ACYP2: variants seen among roughly 807,000 people sequenced by gnomAD.
ACYP2 encodes the protein acylphosphatase 2, also known as acylphosphatase-2.
In ACYP2, 12 loss-of-function variants were observed where a neutral mutation model predicts 11.2. That is an observed-to-expected ratio of 1.08 (90% CI 0.69 to 1.74). The LOEUF (loss-of-function observed/expected upper bound fraction) is 1.74. Ranked by LOEUF, ACYP2 falls within the 40% of genes most tolerant of loss-of-function variation. ACYP2 has a pLI of 0.00. For synonymous variants in ACYP2, 43 were observed against 32.2 expected (o/e 1.33, Z -1.13); for missense variants, 134 against 101.9 (o/e 1.31, Z -1.35).
intron 5 of ACYP2, among the ~76,000 whole-genome samples, chr2:54,136,229 C>G (rs1572837317): frequency 6.6e-6 from 1 of 152,100 alleles, no homozygotes; most frequent in Admixed American, 6.6e-5. Flanking sequence ...TTAGTAGAGA[C>G]AGGGTTTCAC....
chr2:54,094,229 AT>A (rs540021527), intron 4 of ACYP2, among the ~76,000 whole-genome samples: 275 of 142,040 alleles, frequency 1.9e-3, no homozygotes, highest in South Asian at 2.5e-3. Context: ...GAGAAAAAAA[AT>A]TTTTTTTTTT....
At chr2:54,023,227 G>C (rs1490454238) in intron 2 of ACYP2, among the ~76,000 whole-genome samples, 1 of 152,076 alleles carries the variant, frequency 6.6e-6, no homozygotes, top group Non-Finnish European at 1.5e-5. Flanking sequence ...GTGTGTGTGG[G>C]TTGTGACCAT....
At chr2:54,192,971 TTAC>T (rs1163679255) in intron 6 of ACYP2, among the ~76,000 whole-genome samples, 1 of 152,212 alleles carries the variant, frequency 6.6e-6, no homozygotes, top group African/African-American at 2.4e-5. Context: ...GTGGGGATTA[TTAC>T]AATTCAAGAT....
chr2:54,034,263 C>T (rs189040355), intron 2 of ACYP2, among the ~76,000 whole-genome samples: 32 of 152,250 alleles, frequency 2.1e-4, no homozygotes, highest in African/African-American at 7.5e-4. Flanking sequence ...GAGGCTGAGG[C>T]AGGAGAATTG....
At chr2:53,989,326 G>C (rs911827261) in intron 2 of ACYP2, among the ~76,000 whole-genome samples, 2 of 126,662 alleles carry the variant, frequency 1.6e-5, no homozygotes, top group South Asian at 5.2e-4. Flanking sequence ...CCAGGCTCAA[G>C]CAATCTTCCT....
intron 6 of ACYP2, among the ~76,000 whole-genome samples, chr2:54,272,084 C>T (rs1165479371): frequency 6.6e-6 from 1 of 152,176 alleles, no homozygotes; most frequent in Non-Finnish European, 1.5e-5. Context: ...TTTCATGGAT[C>T]AAGCACCATG....
intron 4 of ACYP2, among the ~76,000 whole-genome samples, chr2:54,089,689 G>C (rs1205879580): frequency 6.6e-6 from 1 of 151,902 alleles, no homozygotes; most frequent in Non-Finnish European, 1.5e-5. Context: ...GCAGTGAGCC[G>C]TGACTGCACC....
chr2:54,201,656 T>TTC (rs1392934492), intron 6 of ACYP2, among the ~76,000 whole-genome samples: 1 of 102,550 alleles, frequency 9.8e-6, no homozygotes, highest in Non-Finnish European at 2.1e-5. Context: ...CTTTCTTTCT[T>TTC]TCTTTCTTTC....
intron 4 of ACYP2, chr2:54,065,426 G>A: frequency 2.5e-6 from 1 of 398,518 alleles, no homozygotes; most frequent in East Asian, 3.6e-5. Flanking sequence ...ACTTGTTGGA[G>A]TTGGATGACC....
intron 2 of ACYP2, among the ~76,000 whole-genome samples, chr2:53,985,070 C>CTTTTTTT (rs1178409999): frequency 1.5e-5 from 2 of 134,998 alleles, no homozygotes; most frequent in African/African-American, 2.7e-5. Context: ...TTTTTTCTTT[C>CTTTTTTT]TTTTTTTTTT....
intron 4 of ACYP2, among the ~76,000 whole-genome samples, chr2:54,059,963 C>CTAGCA (rs1676378166): frequency 6.6e-6 from 1 of 152,226 alleles, no homozygotes; most frequent in Non-Finnish European, 1.5e-5. Context: ...GCTTGCCTCC[C>CTAGCA]ATCCCCAGTC....
At chr2:54,181,927 T>A (rs544319135) in intron 6 of ACYP2, among the ~76,000 whole-genome samples, 1 of 152,126 alleles carries the variant, frequency 6.6e-6, no homozygotes, top group African/African-American at 2.4e-5. Flanking sequence ...ACATAGGCCA[T>A]AAATCTTAAA....
chr2:54,239,066 T>C (rs909589461), intron 6 of ACYP2, among the ~76,000 whole-genome samples: 1 of 152,154 alleles, frequency 6.6e-6, no homozygotes, highest in African/African-American at 2.4e-5. Context: ...AATCCACTTA[T>C]AATACCTAGA....
At chr2:54,193,275 A>T (rs1684312903) in intron 6 of ACYP2, among the ~76,000 whole-genome samples, 1 of 152,220 alleles carries the variant, frequency 6.6e-6, no homozygotes, top group Non-Finnish European at 1.5e-5. Flanking sequence ...CATTTGCTGA[A>T]TACTTATGTA....
chr2:54,052,865 T>C (rs1404990102), intron 3 of ACYP2, among the ~76,000 whole-genome samples: 1 of 152,206 alleles, frequency 6.6e-6, no homozygotes, highest in Non-Finnish European at 1.5e-5. Flanking sequence ...AGCAACTAAC[T>C]GGGGAGGTCT....
intron 6 of ACYP2, among the ~76,000 whole-genome samples, chr2:54,181,333 G>A (rs1683715113): frequency 6.6e-6 from 1 of 152,198 alleles, no homozygotes. Flanking sequence ...CATTTTATGT[G>A]TTATGGAAGG....
chr2:54,007,161 A>AAAAGAAAG (rs1199396800), intron 2 of ACYP2, among the ~76,000 whole-genome samples: 3 of 141,376 alleles, frequency 2.1e-5, no homozygotes, highest in South Asian at 2.1e-4. Context: ...AAAAAAAAAA[A>AAAAGAAAG]AAAGAAAGAA....
Position 54,277,216 on chromosome 2 carries a change from A to T in ACYP2, c.405-27472A>T, listed in dbSNP as rs937689888. 3.3e-5 allele frequency among the ~76,000 whole-genome samples: 5 copies of T among 152,216 alleles called. No individual in the cohort carries two copies. In the East Asian group the frequency reaches 7.7e-4, roughly 23 times the overall value. ...TATTTAATAAGGCAACACAGGCAAGATGTACAAAAATTCAGAAGGACCAAT... is the reference window on the plus strand; with the variant it reads ...TATTTAATAAGGCAACACAGGCAAGTTGTACAAAAATTCAGAAGGACCAAT... On this transcript the variant is annotated intron_variant, in intron 6 of 6. Transcript: ENST00000607452.
At chr2:54,137,329 T>C (rs1009729198) in intron 5 of ACYP2, among the ~76,000 whole-genome samples, 4 of 152,182 alleles carry the variant, frequency 2.6e-5, no homozygotes, top group African/African-American at 9.7e-5. Context: ...GTTTGTTATA[T>C]AGGTAAACTC....
Sources: gnomAD v4.1 joint callset for allele counts (sites outside exome capture counted in the v4.1 genomes callset) on GRCh38, gnomAD v4.1.1 for gene constraint, MANE v1.5 for transcripts, NCBI Gene and HGNC (gene_info 2026-07-23, HGNC 2026-07-21) for gene names.